Variants in CDHR2 observed in about 807,000 individuals in gnomAD.
CDHR2 encodes the protein cadherin-related family member 2.
Under a neutral mutation model 138.6 loss-of-function variants are expected in CDHR2, and 104 were observed. That is an observed-to-expected ratio of 0.75 (90% CI 0.64 to 0.88). The LOEUF is 0.88. CDHR2 is among the 40% of genes least tolerant of loss of function. CDHR2 has a pLI of 0.00. For missense variants in CDHR2, 1,624 were observed against 1,727.6 expected, an observed-to-expected ratio of 0.94 and a Z score of 1.06; for synonymous variants, 755 against 742.8, an observed-to-expected ratio of 1.02 and a Z score of -0.27.
Position 176,590,063 on chromosome 5 carries a change from C to G in CDHR2, c.3207-15C>G, listed in dbSNP as rs1758804495. On this transcript the variant is annotated splice_polypyrimidine_tract_variant and intron_variant, in intron 24 of 31. Coordinates refer to ENST00000261944, the MANE Select transcript of CDHR2 (RefSeq NM_017675.6). ...CTAAGACCCCAGGCCTCTGTGACAT[C>G]TGCCTTCTTTGCAGGGCTCTTACCC... is the stretch of plus-strand genomic sequence containing the variant. The G allele has an allele frequency of 6.2e-7, 1 of 1,610,620 alleles. No homozygotes were observed. The highest frequency in any genetic ancestry group is 1.7e-5 in the Admixed American group (1 of 60,010).
intron 1 of CDHR2, among the ~76,000 whole-genome samples, chr5:176,550,331 G>A (rs1757677117): frequency 6.6e-6 from 1 of 152,264 alleles, no homozygotes; most frequent in African/African-American, 2.4e-5. Context: ...GTCTGTATGT[G>A]TCTGCTGGGC....
chr5:176,575,029 G>C, intron 7 of CDHR2, 55 bp from the exon 8 acceptor site: 1 of 1,603,788 alleles, frequency 6.2e-7, no homozygotes, highest in Non-Finnish European at 8.5e-7. Context: ...TCAGAGTGGG[G>C]TCCTCGGTGC....
intron 16 of CDHR2, among the ~76,000 whole-genome samples, chr5:176,580,610 C>A (rs1022999311): frequency 7.9e-5 from 12 of 151,804 alleles, no homozygotes; most frequent in African/African-American, 2.7e-4. Context: ...GTGGCTCACG[C>A]CTGTATGTAA....
rs1485846641 is a variant in CDHR2, at chr5:176,553,593, T to C, written c.-16+4179T>C. Among the ~76,000 whole-genome samples, 1 of 152,036 alleles carries C rather than the reference T, an allele frequency of 6.6e-6. No individual in the cohort carries two copies. Among genetic ancestry groups the C allele is most frequent in the Admixed American group, 6.5e-5 (1 of 15,274 alleles). ...AGAAAAAAGTGAGGAGGGAGGTAGG[T>C]TCCAGGTTACAGCCTCAGAGGGATG... On this transcript the variant is annotated intron_variant, in intron 1 of 31. Coordinates refer to ENST00000261944, the MANE Select transcript of CDHR2 (RefSeq NM_017675.6). The surrounding 1 kb of genome is among the most constrained non-coding windows in gnomAD (Gnocchi z 4.3).
intron 3 of CDHR2, 70 bp from the exon 4 acceptor site, chr5:176,568,608 C>T: frequency 1.3e-6 from 2 of 1,565,758 alleles, no homozygotes; most frequent in Non-Finnish European, 1.7e-6. Flanking sequence ...CCCAGCCTCA[C>T]AGCCAGCTTG....
intron 27 of CDHR2, 28 bp downstream of exon 27, chr5:176,590,513 G>T: frequency 6.2e-7 from 1 of 1,613,962 alleles, no homozygotes; most frequent in Non-Finnish European, 8.5e-7. Flanking sequence ...GGGGCAGCAG[G>T]TGGGGCTGCT....
intron 21 of CDHR2, 28 bp from the exon 22 acceptor site, chr5:176,589,003 C>A (rs1446401779): frequency 6.2e-7 from 1 of 1,611,370 alleles, no homozygotes; most frequent in Non-Finnish European, 8.5e-7. Flanking sequence ...TGGCTGGGCC[C>A]CCAGATATTG....
At chr5:176,587,277 A>G (rs1470810072) in intron 21 of CDHR2, among the ~76,000 whole-genome samples, 1 of 151,962 alleles carries the variant, frequency 6.6e-6, no homozygotes. Context: ...CAGAAACCCC[A>G]TCTCTACTAA....
At chr5:176,545,737 C>T (rs191663448), upstream of CDHR2, among the ~76,000 whole-genome samples, 2 of 152,326 alleles carry the variant, frequency 1.3e-5, no homozygotes, top group East Asian at 3.9e-4. Flanking sequence ...GAGTCCATAT[C>T]CTGGGCTCTT....
At chr5:176,555,731 A>C (rs1052190233) in intron 1 of CDHR2, among the ~76,000 whole-genome samples, 1 of 151,824 alleles carries the variant, frequency 6.6e-6, no homozygotes, top group African/African-American at 2.4e-5. Flanking sequence ...ACATGGCAAA[A>C]CCCCATCTCT....
At chr5:176,545,743 C>A (rs1581125041), upstream of CDHR2, among the ~76,000 whole-genome samples, 1 of 152,228 alleles carries the variant, frequency 6.6e-6, no homozygotes, top group East Asian at 1.9e-4. Flanking sequence ...ATATCCTGGG[C>A]TCTTAGTCCC....
chr5:176,550,073 A>T (rs889079077), intron 1 of CDHR2, among the ~76,000 whole-genome samples: 4 of 152,172 alleles, frequency 2.6e-5, no homozygotes, highest in African/African-American at 9.7e-5. Flanking sequence ...CCCAGCTGAG[A>T]GTCGGGGCCA....
chr5:176,586,234 C>T (rs538667057), intron 20 of CDHR2, among the ~76,000 whole-genome samples: 9 of 152,224 alleles, frequency 5.9e-5, no homozygotes, highest in Admixed American at 2.6e-4. Context: ...CTTGCTCTGT[C>T]GCCCAGGCTG....
At chr5:176,544,191 A>G (rs1757528836) in intron 1 of CDHR2, among the ~76,000 whole-genome samples, 1 of 152,304 alleles carries the variant, frequency 6.6e-6, no homozygotes, top group Non-Finnish European at 1.5e-5. Context: ...CTCCGGGTCT[A>G]CTTAGTTTTT....
At chr5:176,548,754 A>C, upstream of CDHR2, among the ~76,000 whole-genome samples, 1 of 152,016 alleles carries the variant, frequency 6.6e-6, no homozygotes, top group Middle Eastern at 3.4e-3. Context: ...AAAATAAATA[A>C]ATAATTAAAA....
At chr5:176,549,515 C>T (rs1305735325) in intron 1 of CDHR2, 101 bp downstream of exon 1, 2 of 152,268 alleles carry the variant, frequency 1.3e-5, no homozygotes, top group Non-Finnish European at 2.9e-5. Context: ...TTAAAAGTCT[C>T]CCCTGAAGCT....
In CDHR2 at chr5:176,575,738, G is replaced by A. The variant is rs772743029; in HGVS notation, c.859G>A (p.Gly287Ser). The A allele has an allele frequency of 1.5e-5, 24 of 1,574,516 alleles. No homozygotes were observed. In the East Asian group the frequency reaches 1.9e-4, roughly 12 times the overall value. The change falls in exon 11 of 32, where the codon GGC becomes AGC. Residue 287 changes from glycine to serine, a missense_variant. By Grantham distance (56) the Gly-to-Ser change is moderately conservative. This residue lies in a region of CDHR2 where 1,061 missense variants were observed against 1,136.6 expected (regional missense o/e 0.93). Coordinates refer to ENST00000261944, the MANE Select transcript of CDHR2 (RefSeq NM_017675.6). ...CTCCTTGCCAGACTCCACGCGGCCCGGCTGGTTTGACATCGGGGCAGATGG... is the reference window on the plus strand; with the variant it reads ...CTCCTTGCCAGACTCCACGCGGCCCAGCTGGTTTGACATCGGGGCAGATGG... ...IYSISYSTRP[G>S]WFDIGADGVI...
At position 176,561,109 on chromosome 5, in the gene CDHR2, C is replaced by T. The variant is rs191661305; in HGVS notation, c.-15-4229C>T. ...CAAGAGACAGACCGTCCTTTTCCTGCAATAATAACTTCTCACATTTATTAT... is the reference window on the plus strand; with the variant it reads ...CAAGAGACAGACCGTCCTTTTCCTGTAATAATAACTTCTCACATTTATTAT... On this transcript the variant is annotated intron_variant, in intron 1 of 31. Coordinates refer to ENST00000261944, the MANE Select transcript of CDHR2 (RefSeq NM_017675.6). 2.8e-3 allele frequency among the ~76,000 whole-genome samples: 427 copies of T among 152,296 alleles called. 10 individuals carry two copies. Among genetic ancestry groups the T allele is most frequent in the Non-Finnish European group, 3.5e-4 (24 of 68,002 alleles).
chr5:176,592,914 G>C, intron 31 of CDHR2, 134 bp downstream of exon 31: 1 of 782,882 alleles, frequency 1.3e-6, no homozygotes, highest in Non-Finnish European at 2.2e-6. Context: ...AGGAAGCCCT[G>C]TGGCTTTGGA....
Sources: gnomAD v4.1 joint callset for allele counts (sites outside exome capture counted in the v4.1 genomes callset) on GRCh38, gnomAD v4.1.1 for gene constraint, gnomAD v4.1.1 regional missense constraint, Gnocchi (gnomAD v3.1) non-coding constraint, MANE v1.5 for transcripts, NCBI Gene and HGNC (gene_info 2026-07-23, HGNC 2026-07-21) for gene names.